CNTNAP2: variants seen among roughly 807,000 people sequenced by gnomAD.
CNTNAP2 encodes the protein contactin associated protein 2, also known as contactin-associated protein-like 2.
In CNTNAP2, 98 loss-of-function variants were observed where a neutral mutation model predicts 155.2. The observed-to-expected ratio is 0.63, with a 90% CI of 0.54 to 0.75. The LOEUF is 0.75. Among genes scored for constraint, CNTNAP2 ranks in the 30% least tolerant of loss-of-function variants. CNTNAP2 has a pLI of 0.00. For missense variants in CNTNAP2, 1,727 were observed against 1,688.1 expected (o/e 1.02, Z -0.40); for synonymous variants, 651 against 631.2 (o/e 1.03, Z -0.47).
chr7:147,656,157 A>T (rs1362449988), intron 13 of CNTNAP2, among the ~76,000 whole-genome samples: 1 of 152,218 alleles, frequency 6.6e-6, no homozygotes, highest in East Asian at 1.9e-4. Context: ...GCTCTGGATT[A>T]GGCTATGGCT....
At chr7:146,832,448 T>C (rs1045878242) in intron 2 of CNTNAP2, among the ~76,000 whole-genome samples, 4 of 149,844 alleles carry the variant, frequency 2.7e-5, no homozygotes, top group African/African-American at 9.7e-5. Context: ...TTTACTGATG[T>C]ATAATTGATA....
At chr7:147,403,403 CCTT>C (rs1796951985) in intron 10 of CNTNAP2, among the ~76,000 whole-genome samples, 1 of 152,276 alleles carries the variant, frequency 6.6e-6, no homozygotes, top group African/African-American at 2.4e-5. Flanking sequence ...ATGGGAATGT[CCTT>C]AACCTCAGCA....
chr7:146,400,959 A>C (rs927281931), intron 1 of CNTNAP2, among the ~76,000 whole-genome samples: 2 of 152,152 alleles, frequency 1.3e-5, no homozygotes, highest in Admixed American at 1.3e-4. Context: ...GGCAAACCCA[A>C]ACTCACCCAA....
At chr7:147,729,668 T>C (rs73472851) in intron 13 of CNTNAP2, among the ~76,000 whole-genome samples, 57,325 of 151,958 alleles carry the variant, frequency 0.38, 13,296 homozygotes, top group African/African-American at 0.65. Context: ...GCTTACAACA[T>C]GAGGAGCAGT....
At chr7:147,363,160 G>C (rs1039673547) in intron 9 of CNTNAP2, among the ~76,000 whole-genome samples, 1 of 152,160 alleles carries the variant, frequency 6.6e-6, no homozygotes, top group Non-Finnish European at 1.5e-5. Context: ...GATATCATGA[G>C]AGTGTGGTCC....
At chr7:147,537,801 T>A (rs575810275) in intron 11 of CNTNAP2, among the ~76,000 whole-genome samples, 2 of 152,286 alleles carry the variant, frequency 1.3e-5, no homozygotes, top group South Asian at 4.1e-4. Flanking sequence ...CTGATTCAGG[T>A]GTTTATATTT....
intron 3 of CNTNAP2, among the ~76,000 whole-genome samples, chr7:146,993,485 T>A (rs571948479): frequency 1.3e-5 from 2 of 151,922 alleles, no homozygotes; most frequent in East Asian, 1.9e-4. Context: ...CAGTTTCAGG[T>A]TTTTTTTCTA....
intron 11 of CNTNAP2, among the ~76,000 whole-genome samples, chr7:147,545,187 C>T (rs1226545236): frequency 2.0e-5 from 3 of 151,882 alleles, no homozygotes; most frequent in East Asian, 1.9e-4. Context: ...TCCCTGAATC[C>T]CTAACATCTT....
intron 8 of CNTNAP2, among the ~76,000 whole-genome samples, chr7:147,147,305 T>C (rs886502924): frequency 1.3e-5 from 2 of 152,132 alleles, no homozygotes; most frequent in African/African-American, 2.4e-5. Context: ...ATTATAGGGA[T>C]TACAATTCAA....
At chr7:147,211,416 A>G (rs759853884) in intron 8 of CNTNAP2, among the ~76,000 whole-genome samples, 9 of 152,026 alleles carry the variant, frequency 5.9e-5, no homozygotes, top group Non-Finnish European at 1.3e-4. Flanking sequence ...ATCAAACTAT[A>G]CTATAAAGCT....
intron 20 of CNTNAP2, among the ~76,000 whole-genome samples, chr7:148,249,573 TCTAA>T (rs1284709252): frequency 1.3e-5 from 2 of 152,144 alleles, no homozygotes; most frequent in Non-Finnish European, 2.9e-5. Flanking sequence ...CTCCCAGATA[TCTAA>T]CTGATTCTTG....
intron 13 of CNTNAP2, among the ~76,000 whole-genome samples, chr7:147,806,229 A>G (rs915021920): frequency 2.6e-5 from 4 of 152,252 alleles, no homozygotes; most frequent in African/African-American, 9.6e-5. Context: ...CCCAACAGGT[A>G]TGTGAAAAAA....
At chr7:146,442,247 G>T (rs1158070358) in intron 1 of CNTNAP2, among the ~76,000 whole-genome samples, 1 of 151,468 alleles carries the variant, frequency 6.6e-6, no homozygotes, top group Non-Finnish European at 1.5e-5. Flanking sequence ...TGCATCGAGG[G>T]TTTCTTATGC....
At chr7:146,641,717 C>T (rs950710183) in intron 1 of CNTNAP2, among the ~76,000 whole-genome samples, 7 of 151,962 alleles carry the variant, frequency 4.6e-5, no homozygotes, top group African/African-American at 1.5e-4. Context: ...GCAGGTGTTT[C>T]GGAGGAGAGA....
chr7:147,236,536 C>T (rs1803808563), intron 8 of CNTNAP2, among the ~76,000 whole-genome samples: 1 of 151,116 alleles, frequency 6.6e-6, no homozygotes, highest in Non-Finnish European at 1.5e-5. Flanking sequence ...TTTGTACTCA[C>T]TCTCACTTGT....
intron 3 of CNTNAP2, among the ~76,000 whole-genome samples, chr7:146,977,918 A>C (rs1248561116): frequency 6.6e-6 from 1 of 152,180 alleles, no homozygotes; most frequent in Non-Finnish European, 1.5e-5. Context: ...TACCACACAC[A>C]TTTGGCTTAA....
chr7:147,721,742 A>G (rs1456834183), intron 13 of CNTNAP2, among the ~76,000 whole-genome samples: 2 of 152,100 alleles, frequency 1.3e-5, no homozygotes, highest in African/African-American at 4.8e-5. Context: ...TATGAAATTC[A>G]GGTATTAATT....
chr7:147,641,689 G>T (rs1420602224), intron 13 of CNTNAP2, among the ~76,000 whole-genome samples: 1 of 151,978 alleles, frequency 6.6e-6, no homozygotes. Flanking sequence ...CAATAGGATT[G>T]GTGGCCTCAG....
intron 12 of CNTNAP2, among the ~76,000 whole-genome samples, chr7:147,619,174 A>C (rs537862303): frequency 7.2e-5 from 11 of 152,382 alleles, no homozygotes; most frequent in African/African-American, 2.4e-4. Flanking sequence ...ATCCAAAGAC[A>C]GTATTTAAAA....
Sources: gnomAD v4.1 joint callset for allele counts (sites outside exome capture counted in the v4.1 genomes callset) on GRCh38, gnomAD v4.1.1 for gene constraint, MANE v1.5 for transcripts, NCBI Gene and HGNC (gene_info 2026-07-23, HGNC 2026-07-21) for gene names.